ATP11B: variants seen among roughly 807,000 people sequenced by gnomAD.
ATP11B encodes the protein phospholipid-transporting ATPase IF.
ATP11B carries 81 observed loss-of-function variants against 157.8 expected under a neutral mutation model. The ratio of observed to expected loss-of-function variants is 0.51; its 90% confidence interval spans 0.43 to 0.62. The LOEUF (loss-of-function observed/expected upper bound fraction) is 0.62. Among genes scored for constraint, ATP11B ranks in the 20% least tolerant of loss-of-function variants. The pLI is 0.00. For synonymous variants in ATP11B, 451 were observed against 469.4 expected, an observed-to-expected ratio of 0.96 and a Z score of 0.51; for missense variants, 1,165 against 1,402.2, an observed-to-expected ratio of 0.83 and a Z score of 2.70.
chr3:182,808,874 A>G (rs1716485164), intron 1 of ATP11B, among the ~76,000 whole-genome samples: 1 of 152,024 alleles, frequency 6.6e-6, no homozygotes, highest in South Asian at 2.1e-4. Flanking sequence ...ACCAATATTG[A>G]TGTGTTGTTA....
In ATP11B at chr3:182,857,897, A is replaced by T; in HGVS notation, c.871A>T (p.Ile291Leu). The T allele has an allele frequency of 6.5e-7, 1 of 1,531,868 alleles. No individual in the cohort carries two copies. Among genetic ancestry groups the T allele is most frequent in the Non-Finnish European group, 9.0e-7 (1 of 1,108,810 alleles). 94.9% of individuals were successfully genotyped at this position (1,531,868 alleles called of 1,614,324 possible). A position where few individuals can be genotyped will look rare whatever the true frequency, so the allele number is the denominator to read the frequency against. The change falls in exon 11 of 30, where the codon ATA becomes TTA. Residue 291 changes from isoleucine (I) to leucine (L), a missense_variant. Ile to Leu is a conservative substitution (Grantham distance 5, BLOSUM62 2). Transcript: ENST00000323116. ...AVEKSMNTFL[I>L]IYLVILISEA... ...CTTAAGGTCAATGAATACATTTTTG[A>T]TAATTTATCTAGTAATTCTTATATC... is the stretch of plus-strand genomic sequence containing the variant.
rs967655450 is a variant in ATP11B at position 182,859,413 on chromosome 3, A to G, written c.1200+54A>G. ...CTAATTTGTTATTTTTATCAAAGCA[A>G]TACATGGACAAAGATTAATGTAACA... On this transcript the variant is annotated intron_variant, in intron 12 of 29. Coordinates refer to ENST00000323116, the MANE Select transcript of ATP11B (RefSeq NM_014616.3). 48 of 1,411,636 alleles carry G rather than the reference A, an allele frequency of 3.4e-5. No homozygotes were observed. The East Asian group carries it at 9.5e-4, about 28-fold the overall frequency. 87.4% of individuals were successfully genotyped at this position (1,411,636 alleles called of 1,614,324 possible).
rs190364338 is a variant in ATP11B at position 182,815,365 on chromosome 3, A to G, written c.28-4895A>G. Among the ~76,000 whole-genome samples the G allele has an allele frequency of 4.3e-3, 652 of 152,330 alleles. 11 individuals carry two copies. The highest frequency in any genetic ancestry group is 0.036 in the Admixed American group (549 of 15,300). ...GCCCTGATGGTACCTTTATATAGGTATATTTTACTGAATAGGTATAATTTA... is the reference window on the plus strand; with the variant it reads ...GCCCTGATGGTACCTTTATATAGGTGTATTTTACTGAATAGGTATAATTTA... On this transcript the variant is annotated intron_variant, in intron 1 of 29. Coordinates refer to ENST00000323116, the MANE Select transcript of ATP11B (RefSeq NM_014616.3).
chr3:182,899,058 G>A (rs909161052), intron 28 of ATP11B, among the ~76,000 whole-genome samples: 37 of 150,870 alleles, frequency 2.5e-4, no homozygotes, highest in African/African-American at 8.8e-4. Flanking sequence ...GATAATAATA[G>A]TAAATATTTT....
intron 8 of ATP11B, chr3:182,843,908 C>T (rs1168775962): frequency 6.6e-6 from 1 of 152,158 alleles, no homozygotes. Context: ...GGAGCATGTT[C>T]AGTAAACACT....
Position 182,889,655 on chromosome 3 carries a change from A to G in ATP11B, c.2982+107A>G, listed in dbSNP as rs1490417377. Reference sequence around the variant, plus strand: ...TTTAAATTACAGAACTTCAAGTATTAAAATGCAAATATAAAAAGGTTTAAA... The same window carrying G: ...TTTAAATTACAGAACTTCAAGTATTGAAATGCAAATATAAAAAGGTTTAAA... On this transcript the variant is annotated intron_variant, in intron 25 of 29. Transcript: ENST00000323116. 3.9e-6 allele frequency: 4 copies of G among 1,016,272 alleles called. No homozygotes were observed. The African/African-American group carries it at 7.0e-5, about 18-fold the overall frequency. 63.0% of individuals were successfully genotyped at this position (1,016,272 alleles called of 1,614,324 possible).
At chr3:182,859,029 C>G (rs1577033744) in intron 11 of ATP11B, 133 bp from the exon 12 acceptor site, 4 of 539,298 alleles carry the variant, frequency 7.4e-6, no homozygotes, top group South Asian at 6.7e-5. Flanking sequence ...AATTTCAATT[C>G]ATGAGACTAT....
intron 22 of ATP11B, among the ~76,000 whole-genome samples, chr3:182,885,698 G>T (rs1357745410): frequency 6.6e-6 from 1 of 152,092 alleles, no homozygotes; most frequent in Admixed American, 6.5e-5. Flanking sequence ...CAAAATTATA[G>T]TGTTGCTTGG....
intron 23 of ATP11B, 126 bp downstream of exon 23, chr3:182,886,136 A>G: frequency 1.9e-6 from 1 of 519,570 alleles, no homozygotes; most frequent in Non-Finnish European, 3.3e-6. Flanking sequence ...ACCAGACAGA[A>G]CTTTTCTGTT....
At chr3:182,848,667 C>A (rs922358538) in intron 10 of ATP11B, 110 bp downstream of exon 10, 12 of 433,950 alleles carry the variant, frequency 2.8e-5, no homozygotes, top group Admixed American at 5.2e-5. Context: ...AGAATGAAAA[C>A]CTTGGGGACA....
At position 182,818,916 on chromosome 3, in the gene ATP11B, TAAAAAAAA is replaced by T. The variant is rs759403280; in HGVS notation, c.28-1336_28-1329del. ...TAGTAAATAGCCCATGACCACTATG[TAAAAAAAA>T]AAAAAAAGAAAAAAAGAAAAAAACC... On this transcript the variant is annotated intron_variant, in intron 1 of 29. Coordinates refer to ENST00000323116, the MANE Select transcript of ATP11B (RefSeq NM_014616.3). Among the ~76,000 whole-genome samples the T allele has an allele frequency of 7.2e-5, 9 of 124,156 alleles. No homozygotes were observed. The South Asian group carries it at 1.5e-3, about 21-fold the overall frequency. 81.5% of individuals were successfully genotyped at this position (124,156 alleles called of 152,430 possible). A position where few individuals can be genotyped will look rare whatever the true frequency, so the allele number is the denominator to read the frequency against.
At chr3:182,841,774 C>G (rs779332329) in intron 7 of ATP11B, among the ~76,000 whole-genome samples, 2 of 151,464 alleles carry the variant, frequency 1.3e-5, no homozygotes, top group Non-Finnish European at 2.9e-5. Context: ...GTCAGGAGAT[C>G]GAGACCATCC....
chr3:182,865,443 T>C lies in ATP11B; in HGVS notation c.1201-13T>C. ...CACAAAGGTTTATTTTCTTTTGTTT[T>C]CTATCTCTATAGGTAGAGTACGTGT... is the stretch of plus-strand genomic sequence containing the variant. On this transcript the variant is annotated splice_polypyrimidine_tract_variant and intron_variant, in intron 12 of 29. Coordinates refer to ENST00000323116, the MANE Select transcript of ATP11B (RefSeq NM_014616.3). 6.2e-7 allele frequency: 1 copy of C among 1,607,866 alleles called. No individual in the cohort carries two copies. Among genetic ancestry groups the C allele is most frequent in the Non-Finnish European group, 8.5e-7 (1 of 1,177,388 alleles).
intron 1 of ATP11B, among the ~76,000 whole-genome samples, chr3:182,810,468 C>T (rs12492399): frequency 0.7 from 106,605 of 151,908 alleles, 37,817 homozygotes; most frequent in Non-Finnish European, 0.76. Context: ...CTTTACCCTG[C>T]GTAGACATGC....
chr3:182,795,032 C>A (rs1715512150), intron 1 of ATP11B, among the ~76,000 whole-genome samples: 1 of 140,778 alleles, frequency 7.1e-6, no homozygotes, highest in South Asian at 2.1e-4. Context: ...GGGCATCATT[C>A]TCAAAAAAAA....
chr3:182,849,360 A>G (rs748700317), intron 10 of ATP11B, among the ~76,000 whole-genome samples: 1 of 152,224 alleles, frequency 6.6e-6, no homozygotes, highest in Non-Finnish European at 1.5e-5. Flanking sequence ...TCTACAATGT[A>G]TTATTATGAA....
Position 182,836,103 on chromosome 3 carries a change from A to C in ATP11B, c.384A>C (p.Arg128=). The C allele has an allele frequency of 6.2e-7, 1 of 1,613,696 alleles. No homozygotes were observed. Residue 128 remains arginine (R), a synonymous_variant, in exon 5 of 30, where the codon CGA becomes CGC. Coordinates refer to ENST00000323116, the MANE Select transcript of ATP11B (RefSeq NM_014616.3). The stretch of plus-strand genomic sequence containing the variant: ...ATGGAGCTCCTGTTTATGTTGTTCG[A>C]AGTGGTGGCCTTGTAAAAACTAGAT... The part of the protein sequence containing the change: ...EVNGAPVYVV[R]SGGLVKTRSK...
At chr3:182,832,725 A>G (rs1718246491) in intron 4 of ATP11B, among the ~76,000 whole-genome samples, 1 of 152,148 alleles carries the variant, frequency 6.6e-6, no homozygotes. Context: ...TCTTCTCTCC[A>G]ATTGTGTAAT....
intron 29 of ATP11B, chr3:182,916,770 C>T: frequency 1.0e-6 from 1 of 984,894 alleles, no homozygotes. Flanking sequence ...TCTGTGTAAG[C>T]AATGTGGAAA....
Sources: allele counts gnomAD v4.1 joint callset (sites outside exome capture counted in the v4.1 genomes callset), GRCh38; gene constraint gnomAD v4.1.1; transcripts MANE v1.5; gene names NCBI Gene and HGNC (gene_info 2026-07-23, HGNC 2026-07-21).